The following KCNMB2 variants were observed in gnomAD, a reference collection of about 807,000 sequenced individuals.
KCNMB2 encodes the protein potassium calcium-activated channel subfamily M regulatory beta subunit 2.
KCNMB2 carries 9 observed loss-of-function variants against 24.5 expected under a neutral mutation model. That is an observed-to-expected ratio of 0.37 (90% CI 0.22 to 0.64). The LOEUF (loss-of-function observed/expected upper bound fraction) is 0.64. Among genes scored for constraint, KCNMB2 ranks in the 30% least tolerant of loss-of-function variants. The pLI is 0.63. For missense variants in KCNMB2, 226 were observed against 284.3 expected (o/e 0.79, Z 1.47); for synonymous variants, 109 against 104.4 (o/e 1.04, Z -0.27).
chr3:178,560,173 T>G (rs770914614), intron 1 of KCNMB2, among the ~76,000 whole-genome samples: 66 of 151,466 alleles, frequency 4.4e-4, no homozygotes, highest in Non-Finnish European at 7.4e-4. Context: ...TTGATTATTT[T>G]AGATCACCAA....
intron 1 of KCNMB2, among the ~76,000 whole-genome samples, chr3:178,564,196 T>A (rs1318914424): frequency 2.0e-5 from 3 of 151,988 alleles, no homozygotes; most frequent in Non-Finnish European, 4.4e-5. Flanking sequence ...GAGAATCGCT[T>A]CAACCCGGGA....
intron 1 of KCNMB2, among the ~76,000 whole-genome samples, chr3:178,623,640 T>C (rs1486751851): frequency 6.6e-6 from 1 of 152,346 alleles, no homozygotes; most frequent in South Asian, 2.1e-4. Context: ...CTCAGTTCCA[T>C]AGAAAATAAA....
intron 1 of KCNMB2, among the ~76,000 whole-genome samples, chr3:178,577,369 C>T (rs545495958): frequency 6.6e-6 from 1 of 152,250 alleles, no homozygotes; most frequent in South Asian, 2.1e-4. Context: ...CCGAAGGTCA[C>T]CAATATCAAA....
intron 1 of KCNMB2, among the ~76,000 whole-genome samples, chr3:178,655,132 CTCTCTCTCTCTA>C (rs1560150678): frequency 3.5e-4 from 51 of 144,906 alleles, no homozygotes; most frequent in African/African-American, 1.2e-3. Context: ...CTCTCTCTCT[CTCTCTCTCTCTA>C]TCTCTATTTC....
chr3:178,548,675 T>C (rs1422032775), intron 1 of KCNMB2, among the ~76,000 whole-genome samples: 1 of 152,174 alleles, frequency 6.6e-6, no homozygotes, highest in East Asian at 1.9e-4. Context: ...CTTAATCCTT[T>C]CACATTTTTC....
At chr3:178,672,276 G>A (rs140852036) in intron 1 of KCNMB2, among the ~76,000 whole-genome samples, 69 of 152,272 alleles carry the variant, frequency 4.5e-4, no homozygotes, top group African/African-American at 1.5e-3. Flanking sequence ...TGTGAGGGGT[G>A]CAGGAGGTAG....
At chr3:178,677,682 C>A (rs1488866318) in intron 1 of KCNMB2, among the ~76,000 whole-genome samples, 1 of 152,198 alleles carries the variant, frequency 6.6e-6, no homozygotes, top group Admixed American at 6.5e-5. Context: ...ATTCAGAGAG[C>A]AAGCTTTATT....
In KCNMB2 at chr3:178,573,710, GCA is replaced by G. The variant is rs995938470; in HGVS notation, c.-68+37000_-68+37001del. On this transcript the variant is annotated intron_variant, in intron 1 of 4. Transcript: ENST00000452583. ...TGAAGTGAACCATGATTGTGCCACT[GCA>G]TTCCAGCCTGGGTAACAGAGTGAGA... Among the ~76,000 whole-genome samples the G allele has an allele frequency of 4.5e-5, 6 of 134,702 alleles. No homozygotes were observed. In the Admixed American group the frequency reaches 5.0e-4, roughly 11 times the overall value. 88.4% of individuals were successfully genotyped at this position (134,702 alleles called of 152,430 possible).
intron 1 of KCNMB2, among the ~76,000 whole-genome samples, chr3:178,740,066 T>C (rs1723444502): frequency 6.6e-6 from 1 of 152,122 alleles, no homozygotes; most frequent in African/African-American, 2.4e-5. Flanking sequence ...TGATTTGAAA[T>C]GTCAGCAAGT....
Position 178,799,317 on chromosome 3 carries a change from G to T in KCNMB2, c.-67-8026G>T, listed in dbSNP as rs141241004. On this transcript the variant is annotated intron_variant, in intron 1 of 4. Transcript: ENST00000452583. ...TCCAAAAACCTATTAGAATTGATAA[G>T]CAAATTCAGTAAAGTTGCAGGATCC... 9.0e-3 allele frequency among the ~76,000 whole-genome samples: 1,366 copies of T among 152,104 alleles called. 23 individuals carry two copies. Among genetic ancestry groups the T allele is most frequent in the African/African-American group, 0.031 (1,282 of 41,506 alleles).
intron 4 of KCNMB2, among the ~76,000 whole-genome samples, chr3:178,831,241 T>C (rs1283599704): frequency 1.3e-5 from 2 of 152,178 alleles, no homozygotes; most frequent in Non-Finnish European, 2.9e-5. Flanking sequence ...TCTGTTACTA[T>C]TCTTTTTAAA....
chr3:178,558,099 C>A (rs1025115938), intron 1 of KCNMB2, among the ~76,000 whole-genome samples: 1 of 152,176 alleles, frequency 6.6e-6, no homozygotes, highest in Non-Finnish European at 1.5e-5. Context: ...TTCTTTATTG[C>A]TGTTATTATG....
intron 1 of KCNMB2, among the ~76,000 whole-genome samples, chr3:178,651,061 C>T (rs1019556635): frequency 2.6e-5 from 4 of 151,810 alleles, no homozygotes; most frequent in Admixed American, 6.6e-5. Flanking sequence ...TCTGGCAGGG[C>T]AATCAGGCAA....
chr3:178,758,526 GTA>G (rs1269453179), intron 1 of KCNMB2, among the ~76,000 whole-genome samples: 508 of 12,584 alleles, frequency 0.04, 64 homozygotes, highest in African/African-American at 0.094. Context: ...AAGAGGAGAT[GTA>G]TATATATATA....
chr3:178,545,086 T>G (rs2108449399), intron 1 of KCNMB2, among the ~76,000 whole-genome samples: 1 of 152,230 alleles, frequency 6.6e-6, no homozygotes, highest in East Asian at 1.9e-4. Context: ...CAGAATCCCC[T>G]TTGCACACCA....
intron 1 of KCNMB2, among the ~76,000 whole-genome samples, chr3:178,639,042 G>A (rs946172766): frequency 2.0e-5 from 3 of 151,884 alleles, no homozygotes; most frequent in Non-Finnish European, 2.9e-5. Context: ...TTGTTTTATC[G>A]GTTTTAGCTG....
intron 1 of KCNMB2, among the ~76,000 whole-genome samples, chr3:178,784,526 G>T (rs996863772): frequency 6.6e-6 from 1 of 152,024 alleles, no homozygotes; most frequent in Non-Finnish European, 1.5e-5. Context: ...TATTTATAGG[G>T]CTTCCTTGGC....
At chr3:178,779,944 A>T (rs1712754367) in intron 1 of KCNMB2, among the ~76,000 whole-genome samples, 1 of 152,170 alleles carries the variant, frequency 6.6e-6, no homozygotes, top group South Asian at 2.1e-4. Context: ...TTTAGTTAAT[A>T]AAAGAAATAT....
At chr3:178,655,095 CCTCTCTCTCT>C (rs67468527) in intron 1 of KCNMB2, among the ~76,000 whole-genome samples, 12,579 of 111,228 alleles carry the variant, frequency 0.11, 419 homozygotes, top group Middle Eastern at 0.23. Context: ...ATTAGCTCTC[CCTCTCTCTCT>C]CTCTCTCTCT....
Sources: gnomAD v4.1 joint callset for allele counts (sites outside exome capture counted in the v4.1 genomes callset) on GRCh38, gnomAD v4.1.1 for gene constraint, MANE v1.5 for transcripts, NCBI Gene and HGNC (gene_info 2026-07-23, HGNC 2026-07-21) for gene names.